Variants in MBTPS1 observed in about 807,000 individuals in gnomAD.
MBTPS1 encodes membrane bound transcription factor peptidase, site 1, also known as membrane-bound transcription factor site-1 protease.
MBTPS1 carries 94 observed loss-of-function variants against 127.8 expected under a neutral mutation model. The ratio of observed to expected loss-of-function variants is 0.74; its 90% CI spans 0.62 to 0.87. MBTPS1 has a LOEUF of 0.87. MBTPS1 is among the 40% of genes least tolerant of loss of function. The pLI is 0.00. For synonymous variants in MBTPS1, 632 were observed against 509.4 expected (o/e 1.24, Z -3.24); for missense variants, 1,636 against 1,353.2 (o/e 1.21, Z -3.28).
At chr16:84,087,277 C>T in intron 9 of MBTPS1, 81 bp downstream of exon 9, 1 of 1,097,464 alleles carries the variant, frequency 9.1e-7, no homozygotes, top group East Asian at 2.4e-5. Context: ...CAAATACACC[C>T]CAAGGCTCGT....
At chr16:84,105,196 C>T (rs535821912) in intron 1 of MBTPS1, among the ~76,000 whole-genome samples, 1 of 152,028 alleles carries the variant, frequency 6.6e-6, no homozygotes, top group Admixed American at 6.6e-5. Flanking sequence ...ATGTGGAAAA[C>T]AGAGAAGGCA....
intron 18 of MBTPS1, among the ~76,000 whole-genome samples, chr16:84,064,547 A>C (rs1245498629): frequency 6.6e-6 from 1 of 152,224 alleles, no homozygotes; most frequent in Non-Finnish European, 1.5e-5. Flanking sequence ...ACACCTAAAG[A>C]AAGCACATAT....
chr16:84,092,350 T>C (rs1200254645), intron 6 of MBTPS1, among the ~76,000 whole-genome samples: 1 of 152,260 alleles, frequency 6.6e-6, no homozygotes, highest in East Asian at 1.9e-4. Flanking sequence ...AAAGCTTCAT[T>C]ACTTTGTGGA....
intron 21 of MBTPS1, chr16:84,058,109 G>A (rs1334206867): frequency 6.6e-6 from 1 of 152,212 alleles, no homozygotes; most frequent in Non-Finnish European, 1.5e-5. Flanking sequence ...GAACTGGAAT[G>A]GAAAAGTACC....
In MBTPS1 at chr16:84,093,183, C is replaced by T; in HGVS notation, c.846+5G>A. 1 of 1,592,008 alleles carries T rather than the reference C, an allele frequency of 6.3e-7. No homozygotes were observed. On this transcript the variant is annotated splice_donor_5th_base_variant and intron_variant, in intron 6 of 22. Coordinates refer to ENST00000343411, the MANE Select transcript of MBTPS1 (RefSeq NM_003791.4). ...TCAAGTTTCAGGAGTCCTCAAAACA[C>T]CTACCTGATTATTGGTAAAGACCCT...
chr16:84,059,437 A>G lies in MBTPS1; in HGVS notation c.2705-9T>C. Reference sequence around the variant, plus strand: ...CCGATGAAGATGGTTTCCTGTGGTTAGCAGCAACATCAACAAAAAGGAAAA... The same window carrying G: ...CCGATGAAGATGGTTTCCTGTGGTTGGCAGCAACATCAACAAAAAGGAAAA... On this transcript the variant is annotated splice_polypyrimidine_tract_variant and intron_variant, in intron 20 of 22. Coordinates refer to ENST00000343411, the MANE Select transcript of MBTPS1 (RefSeq NM_003791.4). The G allele has an allele frequency of 1.2e-6, 2 of 1,603,610 alleles. No homozygotes were observed. The highest frequency in any genetic ancestry group is 1.7e-6 in the Non-Finnish European group (2 of 1,174,106).
chr16:84,059,312 T>C lies in MBTPS1; in HGVS notation c.2821A>G (p.Thr941Ala), dbSNP rs779039919. 2 of 1,613,448 alleles carry C rather than the reference T, an allele frequency of 1.2e-6. No individual in the cohort carries two copies. The highest frequency in any genetic ancestry group is 1.1e-5 in the South Asian group (1 of 91,050). Reference sequence around the variant, plus strand: ...CAGGCGGACACTAACCTGGGCGCCGTCTCGTTTAAAGGCTGTGGCTTGGCC... The same window carrying C: ...CAGGCGGACACTAACCTGGGCGCCGCCTCGTTTAAAGGCTGTGGCTTGGCC... ...SWAKPQPLNE[T>A]APSNLWKHQK... is the part of the protein sequence containing the mutation. The change falls in exon 21 of 23, where the codon ACG becomes GCG. Residue 941 changes from threonine to alanine, a missense_variant. Coordinates refer to ENST00000343411, the MANE Select transcript of MBTPS1 (RefSeq NM_003791.4).
rs537042668 is a variant in MBTPS1, at chr16:84,065,900, G to A, written c.2354-133C>T. The A allele has an allele frequency of 2.4e-5, 13 of 534,014 alleles. 1 individual carries two copies. In the South Asian group the frequency reaches 3.6e-4, roughly 15 times the overall value. The allele number at this position is 534,014 out of a possible 1,614,324, so 33.1% of individuals were successfully genotyped here. On this transcript the variant is annotated intron_variant, in intron 17 of 22. Transcript: ENST00000343411. ...TTAATTGTTTTTAATCTTGAGGGAG[G>A]AGCTGCTATTGCCTTGTCACACATA...
chr16:84,094,514 T>A (rs1212825398), intron 4 of MBTPS1, among the ~76,000 whole-genome samples: 1 of 151,852 alleles, frequency 6.6e-6, no homozygotes, highest in African/African-American at 2.4e-5. Context: ...CTAGAAAGCA[T>A]CTAGAAAAAA....
At chr16:84,061,928 G>T (rs2085619980) in intron 19 of MBTPS1, among the ~76,000 whole-genome samples, 1 of 152,052 alleles carries the variant, frequency 6.6e-6, no homozygotes, top group South Asian at 2.1e-4. Context: ...GGGCACTTCT[G>T]GTCAAGTGCT....
intron 9 of MBTPS1, 135 bp from the exon 10 acceptor site, chr16:84,085,269 G>C (rs2086003947): frequency 1.1e-6 from 1 of 911,282 alleles, no homozygotes. Flanking sequence ...ACTGGTTTTA[G>C]TCTGAAATTC....
rs781433848 is a variant in MBTPS1 at position 84,084,971 on chromosome 16, G to C, written c.1286+12C>G. 6 of 1,613,264 alleles carry C rather than the reference G, an allele frequency of 3.7e-6. No homozygotes were observed. Among genetic ancestry groups the C allele is most frequent in the Non-Finnish European group, 5.1e-6 (6 of 1,179,698 alleles). ...ACGTGGGAGCTACTGGTCTCTAGGG[G>C]GCAGCACTCACCTCACTAACAAGGT... On this transcript the variant is annotated intron_variant, in intron 10 of 22. Coordinates refer to ENST00000343411, the MANE Select transcript of MBTPS1 (RefSeq NM_003791.4).
intron 5 of MBTPS1, 75 bp from the exon 6 acceptor site, chr16:84,093,372 G>T: frequency 1.0e-6 from 1 of 980,854 alleles, no homozygotes; most frequent in Non-Finnish European, 1.6e-6. Context: ...TCCAGGCCAT[G>T]AGTTCCACGG....
chr16:84,059,576 C>T lies in MBTPS1; in HGVS notation c.2705-148G>A, dbSNP rs144851102. 4.1e-3 allele frequency: 2,689 copies of T among 653,774 alleles called. 14 individuals are homozygous for T. Among genetic ancestry groups the T allele is most frequent in the Non-Finnish European group, 5.3e-3 (2,074 of 393,694 alleles). 40.5% of individuals were successfully genotyped at this position (653,774 alleles called of 1,614,324 possible). On this transcript the variant is annotated intron_variant, in intron 20 of 22. Coordinates refer to ENST00000343411, the MANE Select transcript of MBTPS1 (RefSeq NM_003791.4). ...CTCTATTAAGCTATCCTCCATGAGC[C>T]GCAGGAGCCACGCCTGATTGGTTCC...
In MBTPS1 at chr16:84,063,348, C is replaced by T. The variant is rs1238300429; in HGVS notation, c.2529G>A (p.Leu843=). 1.2e-6 allele frequency: 2 copies of T among 1,614,148 alleles called. No individual in the cohort carries two copies. The highest frequency in any genetic ancestry group is 1.1e-5 in the South Asian group (1 of 91,078). ...IPAEGGGRIV[L]YGDSNCLDDS... is the part of the protein sequence containing the mutation. The stretch of plus-strand genomic sequence containing the variant: ...CATCCAAGCAATTGGAGTCCCCATA[C>T]AGTACAATCCGGCCTCCACCCTCAG... The change falls in exon 19 of 23, where the codon CTG becomes CTA. Residue 843 remains leucine, a synonymous_variant. Transcript: ENST00000343411.
chr16:84,067,846 T>C (rs2085709873), intron 15 of MBTPS1, 23 bp from the exon 16 acceptor site: 2 of 1,594,766 alleles, frequency 1.3e-6, no homozygotes, highest in Non-Finnish European at 1.7e-6. Context: ...GAACCAAAGC[T>C]GGGAACTGTC....
chr16:84,066,258 TAATAG>T (rs2151144882), intron 17 of MBTPS1, among the ~76,000 whole-genome samples: 1 of 152,334 alleles, frequency 6.6e-6, no homozygotes, highest in South Asian at 2.1e-4. Flanking sequence ...ATAAAGACTC[TAATAG>T]GTGGCACTAA....
chr16:84,101,028 C>G (rs1308964231), intron 2 of MBTPS1, among the ~76,000 whole-genome samples: 1 of 148,494 alleles, frequency 6.7e-6, no homozygotes, highest in South Asian at 2.1e-4. Context: ...AGGCCTGGCA[C>G]GATAGTTCAT....
At position 84,060,726 on chromosome 16, in the gene MBTPS1, C is replaced by A; in HGVS notation, c.2660G>T (p.Arg887Leu). 1 of 1,613,660 alleles carries A rather than the reference C, an allele frequency of 6.2e-7. No homozygotes were observed. Among genetic ancestry groups the A allele is most frequent in the South Asian group, 1.1e-5 (1 of 90,872 alleles). Reference sequence around the variant, plus strand: ...GACTGAGCCTGCTCCACTGGGAGGGCGCTGGCGGTTCCCAGAGTGACTGAG... The same window carrying A: ...GACTGAGCCTGCTCCACTGGGAGGGAGCTGGCGGTTCCCAGAGTGACTGAG... Reference protein sequence around the residue: ...PSLSHSGNRQRPPSGAGSVTP... With the variant: ...PSLSHSGNRQLPPSGAGSVTP... Residue 887 changes from arginine to leucine, a missense_variant, in exon 20 of 23, where the codon CGC (arginine) becomes CTC (leucine). Coordinates refer to ENST00000343411, the MANE Select transcript of MBTPS1 (RefSeq NM_003791.4).
Sources: gnomAD v4.1 joint callset for allele counts (sites outside exome capture counted in the v4.1 genomes callset) on GRCh38, gnomAD v4.1.1 for gene constraint, MANE v1.5 for transcripts, NCBI Gene and HGNC (gene_info 2026-07-23, HGNC 2026-07-21) for gene names.